The following STX8 variants were observed in gnomAD, a reference collection of about 807,000 sequenced individuals.
The protein encoded by STX8 is syntaxin-8.
A neutral mutation model predicts 37.5 loss-of-function variants in STX8; 23 were observed. The observed-to-expected ratio is 0.61, with a 90% CI of 0.44 to 0.87. The LOEUF (loss-of-function observed/expected upper bound fraction) is 0.87, where lower values mean the gene tolerates loss of function less well. STX8 is among the 40% of genes least tolerant of loss of function. The pLI is 0.00. For synonymous variants in STX8, 115 were observed against 99.1 expected (o/e 1.16, Z -0.95); for missense variants, 313 against 284.7 (o/e 1.10, Z -0.71).
At chr17:9,324,097 C>T (rs1909667872) in intron 7 of STX8, among the ~76,000 whole-genome samples, 1 of 147,080 alleles carries the variant, frequency 6.8e-6, no homozygotes, top group African/African-American at 2.6e-5. Context: ...CTCTCTCTCT[C>T]TCTCTCTCTC....
intron 7 of STX8, chr17:9,378,252 C>A: frequency 8.5e-6 from 2 of 236,288 alleles, no homozygotes; most frequent in Admixed American, 5.2e-5. Context: ...TTAAAACCCG[C>A]CAACCAGTAT....
intron 7 of STX8, among the ~76,000 whole-genome samples, chr17:9,304,446 T>C (rs1908888927): frequency 1.3e-5 from 2 of 148,298 alleles, no homozygotes; most frequent in Non-Finnish European, 1.5e-5. Flanking sequence ...GAATCTCTTG[T>C]TGCAGCGAAC....
chr17:9,438,580 C>G (rs1904527344), intron 6 of STX8, among the ~76,000 whole-genome samples: 1 of 152,126 alleles, frequency 6.6e-6, no homozygotes, highest in Admixed American at 6.6e-5. Context: ...GGCCATACGT[C>G]TCTGTTGCAA....
chr17:9,445,488 G>A (rs906149536), intron 6 of STX8, among the ~76,000 whole-genome samples: 2 of 131,586 alleles, frequency 1.5e-5, no homozygotes, highest in Non-Finnish European at 3.2e-5. Context: ...AGTGGTGGCC[G>A]GGGAGGGGGG....
At chr17:9,398,885 C>T (rs1912501907) in intron 6 of STX8, among the ~76,000 whole-genome samples, 2 of 151,964 alleles carry the variant, frequency 1.3e-5, no homozygotes, top group South Asian at 4.1e-4. Flanking sequence ...CCTGTCTCTA[C>T]TAAAAGTACA....
At chr17:9,343,086 G>A (rs1910426346) in intron 7 of STX8, among the ~76,000 whole-genome samples, 1 of 150,730 alleles carries the variant, frequency 6.6e-6, no homozygotes, top group African/African-American at 2.4e-5. Context: ...GACAGCTGGA[G>A]CCAGGAGATG....
At chr17:9,516,298 CATAT>C (rs150682084) in intron 4 of STX8, among the ~76,000 whole-genome samples, 3,476 of 51,218 alleles carry the variant, frequency 0.068, 95 homozygotes, top group Non-Finnish European at 0.092. Flanking sequence ...GAACCACAGT[CATAT>C]ATATATATAT....
intron 6 of STX8, among the ~76,000 whole-genome samples, chr17:9,411,153 A>ATACT (rs1357598101): frequency 1.3e-5 from 2 of 152,184 alleles, no homozygotes; most frequent in Non-Finnish European, 2.9e-5. Flanking sequence ...TACTCTTGGG[A>ATACT]TACTTAACAA....
intron 6 of STX8, among the ~76,000 whole-genome samples, chr17:9,440,935 A>G (rs965227101): frequency 5.3e-5 from 8 of 151,962 alleles, no homozygotes; most frequent in Non-Finnish European, 1.0e-4. Flanking sequence ...CCCCAAAGCT[A>G]TCACCCACTC....
At chr17:9,356,932 C>T (rs571545333) in intron 7 of STX8, among the ~76,000 whole-genome samples, 1 of 150,016 alleles carries the variant, frequency 6.7e-6, no homozygotes, top group South Asian at 2.1e-4. Flanking sequence ...TGCACCTTCC[C>T]CTTTTCATTC....
chr17:9,260,819 G>C (rs1471066184), intron 7 of STX8, among the ~76,000 whole-genome samples: 1 of 152,238 alleles, frequency 6.6e-6, no homozygotes, highest in Non-Finnish European at 1.5e-5. Context: ...CCTACCTGGA[G>C]AGAATTCACT....
chr17:9,336,867 C>T (rs1046676707), intron 7 of STX8, among the ~76,000 whole-genome samples: 3 of 152,146 alleles, frequency 2.0e-5, no homozygotes, highest in Non-Finnish European at 4.4e-5. Context: ...TTGTTAGTTT[C>T]CATTCTTATT....
At chr17:9,280,409 C>T (rs542561568) in intron 7 of STX8, among the ~76,000 whole-genome samples, 6 of 152,134 alleles carry the variant, frequency 3.9e-5, no homozygotes, top group African/African-American at 7.2e-5. Context: ...CAAAATTAGC[C>T]GGGTGTGGTG....
chr17:9,416,798 A>T (rs1184709062), intron 6 of STX8, among the ~76,000 whole-genome samples: 2 of 152,344 alleles, frequency 1.3e-5, no homozygotes, highest in East Asian at 3.9e-4. Flanking sequence ...AGGGGCTTGA[A>T]TTCTGCTAAA....
At chr17:9,252,097 G>C (rs1240452340) in intron 7 of STX8, among the ~76,000 whole-genome samples, 5 of 151,768 alleles carry the variant, frequency 3.3e-5, no homozygotes, top group Admixed American at 3.3e-4. Flanking sequence ...CTGAGGTCAG[G>C]AGTTCGAGAC....
At chr17:9,563,088 G>A (rs1907308559) in intron 2 of STX8, among the ~76,000 whole-genome samples, 1 of 151,840 alleles carries the variant, frequency 6.6e-6, no homozygotes, top group Non-Finnish European at 1.5e-5. Flanking sequence ...AAATGTAGAG[G>A]TTTCTATATT....
chr17:9,527,744 G>A (rs1905636279), intron 4 of STX8, among the ~76,000 whole-genome samples: 1 of 152,162 alleles, frequency 6.6e-6, no homozygotes, highest in Non-Finnish European at 1.5e-5. Context: ...GACAGCTAAG[G>A]TTTAAGGAAA....
At chr17:9,285,570 T>C (rs1908044404) in intron 7 of STX8, among the ~76,000 whole-genome samples, 1 of 152,140 alleles carries the variant, frequency 6.6e-6, no homozygotes, top group Admixed American at 6.5e-5. Context: ...CCCAGAACAT[T>C]ACACACAATG....
At chr17:9,538,837 G>A (rs1433022932) in intron 4 of STX8, among the ~76,000 whole-genome samples, 2 of 152,020 alleles carry the variant, frequency 1.3e-5, no homozygotes, top group African/African-American at 4.8e-5. Context: ...GATGGTCACA[G>A]AGCAGTGGAG....
Sources: allele counts gnomAD v4.1 joint callset (sites outside exome capture counted in the v4.1 genomes callset), GRCh38; gene constraint gnomAD v4.1.1; transcripts MANE v1.5; gene names NCBI Gene and HGNC (gene_info 2026-07-23, HGNC 2026-07-21).